The following EYS variants were observed in gnomAD, a reference collection of about 807,000 sequenced individuals.
The protein encoded by EYS is protein eyes shut homolog.
In EYS, 250 loss-of-function variants were observed where a neutral mutation model predicts 282.1. The ratio of observed to expected loss-of-function variants is 0.89; its 90% CI spans 0.80 to 0.98. The LOEUF is 0.98. Among genes scored for constraint, EYS ranks in the 50% least tolerant of loss-of-function variants. The pLI, the probability that EYS is intolerant of heterozygous loss-of-function variation, is 0.00. For synonymous variants in EYS, 1,355 were observed against 1,282.9 expected (o/e 1.06, Z -1.20); for missense variants, 4,016 against 3,709.0 (o/e 1.08, Z -2.15).
At chr6:64,189,277 A>G (rs574499008) in intron 31 of EYS, among the ~76,000 whole-genome samples, 3 of 152,374 alleles carry the variant, frequency 2.0e-5, no homozygotes, top group South Asian at 4.1e-4. Flanking sequence ...AACAATGGCC[A>G]CTGGGCCAAA....
At chr6:64,819,253 A>G (rs1400838920) in intron 21 of EYS, among the ~76,000 whole-genome samples, 2 of 152,184 alleles carry the variant, frequency 1.3e-5, no homozygotes, top group Non-Finnish European at 1.5e-5. Context: ...TGATTATTAT[A>G]TCTCAATTTC....
intron 19 of EYS, among the ~76,000 whole-genome samples, chr6:64,866,754 C>T (rs960933426): frequency 6.6e-6 from 1 of 151,486 alleles, no homozygotes; most frequent in Non-Finnish European, 1.5e-5. Context: ...TTTTCAATGA[C>T]AAGTTCTGCT....
chr6:64,907,793 T>C (rs1767877544), intron 16 of EYS, among the ~76,000 whole-genome samples: 1 of 151,946 alleles, frequency 6.6e-6, no homozygotes, highest in African/African-American at 2.4e-5. Context: ...ACCATGGGGA[T>C]GGAATTTACT....
chr6:65,461,273 C>T (rs1764818398), intron 5 of EYS, among the ~76,000 whole-genome samples: 1 of 152,246 alleles, frequency 6.6e-6, no homozygotes, highest in South Asian at 2.1e-4. Context: ...TGAACAAACT[C>T]CTGATAAGCA....
At chr6:64,134,315 TG>T (rs1387083176) in intron 31 of EYS, among the ~76,000 whole-genome samples, 4 of 151,914 alleles carry the variant, frequency 2.6e-5, no homozygotes, top group Admixed American at 6.6e-5. Flanking sequence ...ATAATAAAGC[TG>T]GTGGAATAGA....
chr6:65,601,777 C>A (rs1193248570), intron 2 of EYS, among the ~76,000 whole-genome samples: 1 of 151,794 alleles, frequency 6.6e-6, no homozygotes, highest in African/African-American at 2.4e-5. Context: ...TCTTTCTTGA[C>A]CAATTAAAAG....
At chr6:63,797,839 T>C (rs1376044297) in intron 37 of EYS, 2 of 152,180 alleles carry the variant, frequency 1.3e-5, no homozygotes, top group African/African-American at 4.8e-5. Context: ...GAAGGGTTGA[T>C]AGGAACAACA....
At chr6:63,754,879 A>G (rs1021851150) in intron 41 of EYS, among the ~76,000 whole-genome samples, 2 of 152,124 alleles carry the variant, frequency 1.3e-5, no homozygotes, top group Non-Finnish European at 2.9e-5. Flanking sequence ...AATGATCACC[A>G]TTCTAACTGG....
chr6:65,354,428 C>G (rs1287709338), intron 8 of EYS, among the ~76,000 whole-genome samples: 1 of 152,024 alleles, frequency 6.6e-6, no homozygotes, highest in Non-Finnish European at 1.5e-5. Flanking sequence ...AAGCATTGTT[C>G]TGTTTCAAGT....
chr6:65,047,223 C>T (rs1773131914), intron 13 of EYS, among the ~76,000 whole-genome samples: 1 of 151,536 alleles, frequency 6.6e-6, no homozygotes, highest in East Asian at 1.9e-4. Context: ...ATAACCATAC[C>T]TCCAAATTCC....
intron 15 of EYS, among the ~76,000 whole-genome samples, chr6:64,941,398 T>C (rs928624488): frequency 6.6e-6 from 1 of 151,968 alleles, no homozygotes; most frequent in Non-Finnish European, 1.5e-5. Context: ...AATTTACAAA[T>C]ATATACGTGG....
At chr6:64,858,741 T>A (rs1766146255) in intron 19 of EYS, among the ~76,000 whole-genome samples, 1 of 152,070 alleles carries the variant, frequency 6.6e-6, no homozygotes, top group Admixed American at 6.5e-5. Context: ...TATGAAATCA[T>A]CTCAATAGAT....
chr6:64,570,002 A>G (rs1220696572), intron 26 of EYS, among the ~76,000 whole-genome samples: 2 of 152,198 alleles, frequency 1.3e-5, no homozygotes, highest in African/African-American at 4.8e-5. Context: ...AAATTTCCCA[A>G]GGATGAAATG....
At chr6:63,962,376 T>C (rs1279822986) in intron 35 of EYS, among the ~76,000 whole-genome samples, 5 of 152,064 alleles carry the variant, frequency 3.3e-5, no homozygotes, top group Non-Finnish European at 7.4e-5. Context: ...AAAGGGCTAA[T>C]ATCCAGAATC....
intron 12 of EYS, among the ~76,000 whole-genome samples, chr6:65,263,931 T>C (rs973375281): frequency 2.7e-5 from 4 of 150,834 alleles, no homozygotes; most frequent in African/African-American, 7.3e-5. Flanking sequence ...AACAAGGAAG[T>C]AGAAAAAAAC....
intron 2 of EYS, among the ~76,000 whole-genome samples, chr6:65,638,686 G>T (rs1767174892): frequency 6.6e-6 from 1 of 152,224 alleles, no homozygotes; most frequent in South Asian, 2.1e-4. Context: ...GCAGCAGCCA[G>T]CATGCCTGGC....
At chr6:65,014,676 GAATTATAAT>G (rs1280837067) in intron 13 of EYS, among the ~76,000 whole-genome samples, 2 of 152,062 alleles carry the variant, frequency 1.3e-5, no homozygotes, top group Admixed American at 1.3e-4. Context: ...CACATTTAAG[GAATTATAAT>G]ATGCCATCGA....
chr6:64,547,656 G>C (rs1186995669), intron 26 of EYS, among the ~76,000 whole-genome samples: 1 of 152,226 alleles, frequency 6.6e-6, no homozygotes, highest in Admixed American at 6.5e-5. Flanking sequence ...AGCCCAGCTG[G>C]CTTCACCCAG....
intron 31 of EYS, among the ~76,000 whole-genome samples, chr6:64,197,988 T>TTTA (rs1765343345): frequency 6.6e-6 from 1 of 150,966 alleles, no homozygotes; most frequent in Non-Finnish European, 1.5e-5. Flanking sequence ...TTTTTATTTA[T>TTTA]TTATTTATTT....
Sources: allele counts gnomAD v4.1 joint callset (sites outside exome capture counted in the v4.1 genomes callset), GRCh38; gene constraint gnomAD v4.1.1; transcripts MANE v1.5; gene names NCBI Gene and HGNC (gene_info 2026-07-23, HGNC 2026-07-21).